Variants in ADGRL3 observed in about 807,000 individuals in gnomAD.
ADGRL3 encodes the protein calcium-independent alpha-latrotoxin receptor 3.
In ADGRL3, 62 loss-of-function variants were observed where a neutral mutation model predicts 153.5. That is an observed-to-expected ratio of 0.40 (90% CI 0.33 to 0.50). The LOEUF (loss-of-function observed/expected upper bound fraction) is 0.50, where lower values mean the gene tolerates loss of function less well. ADGRL3 is among the 20% of genes least tolerant of loss of function. ADGRL3 has a pLI of 0.47. For synonymous variants in ADGRL3, 710 were observed against 672.5 expected (o/e 1.06, Z -0.86); for missense variants, 1,641 against 1,859.4 (o/e 0.88, Z 2.16).
intron 17 of ADGRL3, among the ~76,000 whole-genome samples, chr4:61,956,522 C>CA (rs1395856785): frequency 2.0e-5 from 3 of 152,110 alleles, no homozygotes; most frequent in African/African-American, 7.2e-5. Context: ...TTTCACTGTG[C>CA]AGAAGCTCTT....
intron 19 of ADGRL3, among the ~76,000 whole-genome samples, chr4:61,993,158 C>T (rs894704771): frequency 1.6e-4 from 15 of 94,278 alleles, no homozygotes; most frequent in African/African-American, 5.4e-4. Flanking sequence ...CATTCATGGG[C>T]TGCAGTTGTG....
chr4:61,291,210 A>ACGCG (rs149448789), intron 1 of ADGRL3, among the ~76,000 whole-genome samples: 1 of 133,458 alleles, frequency 7.5e-6, no homozygotes, highest in Non-Finnish European at 1.6e-5. Context: ...ACACACACAC[A>ACGCG]CACACACGCA....
chr4:61,365,774 TTTC>T (rs1299195717), intron 1 of ADGRL3, among the ~76,000 whole-genome samples: 1 of 152,214 alleles, frequency 6.6e-6, no homozygotes, highest in African/African-American at 2.4e-5. Context: ...AAAATTAATT[TTTC>T]TTATTATCTC....
At chr4:62,027,310 A>C (rs1247894177) in intron 21 of ADGRL3, among the ~76,000 whole-genome samples, 1 of 151,864 alleles carries the variant, frequency 6.6e-6, no homozygotes, top group Non-Finnish European at 1.5e-5. Context: ...CTTGGCTTAA[A>C]ACTCTCTTTG....
intron 4 of ADGRL3, among the ~76,000 whole-genome samples, chr4:61,537,978 A>T (rs553782773): frequency 6.6e-6 from 1 of 151,888 alleles, no homozygotes; most frequent in African/African-American, 2.4e-5. Context: ...CAGAATTTTC[A>T]TTTTGGTGAG....
chr4:61,994,976 G>A (rs974406504), intron 19 of ADGRL3, among the ~76,000 whole-genome samples: 3 of 150,278 alleles, frequency 2.0e-5, no homozygotes, highest in Middle Eastern at 3.4e-3. Context: ...ACAGTGCCGT[G>A]ATTTCAGCTC....
At position 61,842,979 on chromosome 4, in the gene ADGRL3, G is replaced by A. The variant is rs1478298684; in HGVS notation, c.1480+29090G>A. Among the ~76,000 whole-genome samples, 4 of 152,014 alleles carry A rather than the reference G, an allele frequency of 2.6e-5. 1 individual carries two copies. The highest frequency in any genetic ancestry group is 5.9e-5 in the Non-Finnish European group (4 of 68,012). ...GTAGGCTATGAGGAAACACATGTAA[G>A]AAGAGAAAAAGAGCAACTTATGATT... On this transcript the variant is annotated intron_variant, in intron 9 of 26. Coordinates refer to ENST00000683033, the MANE Select transcript of ADGRL3 (RefSeq NM_001387552.1).
At chr4:61,588,162 A>G (rs972476528) in intron 5 of ADGRL3, among the ~76,000 whole-genome samples, 2 of 151,794 alleles carry the variant, frequency 1.3e-5, no homozygotes, top group East Asian at 1.9e-4. Context: ...GTTCACTATT[A>G]CTATGCTTTC....
At chr4:61,556,048 C>T (rs1335604764) in intron 4 of ADGRL3, among the ~76,000 whole-genome samples, 5 of 152,138 alleles carry the variant, frequency 3.3e-5, no homozygotes, top group Non-Finnish European at 7.3e-5. Context: ...GGGAATGCAG[C>T]CCAGTGGGTC....
intron 2 of ADGRL3, among the ~76,000 whole-genome samples, chr4:61,392,092 G>C (rs1039202560): frequency 6.7e-6 from 1 of 150,012 alleles, no homozygotes; most frequent in Non-Finnish European, 1.5e-5. Flanking sequence ...GATGGTCTCG[G>C]TTTCCTGACC....
At chr4:61,850,470 C>T (rs2098188663) in intron 9 of ADGRL3, among the ~76,000 whole-genome samples, 1 of 152,052 alleles carries the variant, frequency 6.6e-6, no homozygotes. Flanking sequence ...CTTCTCTTAC[C>T]ATTCTTAGTG....
intron 8 of ADGRL3, among the ~76,000 whole-genome samples, chr4:61,769,489 CAG>C (rs147620308): frequency 0.53 from 80,738 of 151,092 alleles, 22,304 homozygotes; most frequent in East Asian, 0.68. Context: ...AGCAGGAGGA[CAG>C]GGGATTGATC....
intron 5 of ADGRL3, among the ~76,000 whole-genome samples, chr4:61,641,686 C>T (rs1484243427): frequency 2.0e-5 from 3 of 151,736 alleles, no homozygotes; most frequent in East Asian, 1.9e-4. Flanking sequence ...CAGTCTATCA[C>T]TGTTGGACAT....
rs549773479 is a variant in ADGRL3 at position 61,231,000 on chromosome 4, A to C, written c.-240+29235A>C. Among the ~76,000 whole-genome samples the C allele has an allele frequency of 2.0e-5, 3 of 152,296 alleles. No homozygotes were observed. The South Asian group carries it at 6.2e-4, about 32-fold the overall frequency. Reference sequence around the variant, plus strand: ...CAGGACTTACTATGCTTATTTAAAAATTACTTGCTCTTCCAGACACCCTTG... The same window carrying C: ...CAGGACTTACTATGCTTATTTAAAACTTACTTGCTCTTCCAGACACCCTTG... On this transcript the variant is annotated intron_variant, in intron 1 of 26. Coordinates refer to ENST00000683033, the MANE Select transcript of ADGRL3 (RefSeq NM_001387552.1).
At chr4:61,690,779 A>G (rs1023757377) in intron 6 of ADGRL3, among the ~76,000 whole-genome samples, 3 of 152,050 alleles carry the variant, frequency 2.0e-5, no homozygotes, top group Non-Finnish European at 4.4e-5. Context: ...TGTGTATCAG[A>G]GTCTAATAGA....
chr4:61,512,648 A>T (rs908556548), intron 3 of ADGRL3, among the ~76,000 whole-genome samples: 1 of 152,134 alleles, frequency 6.6e-6, no homozygotes, highest in African/African-American at 2.4e-5. Context: ...AGTATGTTTT[A>T]GTAGAGAATG....
At chr4:61,276,780 T>TA (rs1332282930) in intron 1 of ADGRL3, among the ~76,000 whole-genome samples, 2 of 152,086 alleles carry the variant, frequency 1.3e-5, no homozygotes, top group Admixed American at 6.6e-5. Context: ...TTATTTTTTA[T>TA]AAAAAAAATT....
At chr4:61,867,223 G>T (rs959999138) in intron 9 of ADGRL3, among the ~76,000 whole-genome samples, 1 of 151,878 alleles carries the variant, frequency 6.6e-6, no homozygotes, top group Non-Finnish European at 1.5e-5. Context: ...GGAGAGGCAG[G>T]CACAGTGGCT....
intron 23 of ADGRL3, among the ~76,000 whole-genome samples, chr4:62,032,897 T>C (rs1227614881): frequency 6.6e-6 from 1 of 151,696 alleles, no homozygotes; most frequent in Non-Finnish European, 1.5e-5. Context: ...GAGGTTACAT[T>C]AGAATGGATG....
Sources: gnomAD v4.1 joint callset for allele counts (sites outside exome capture counted in the v4.1 genomes callset) on GRCh38, gnomAD v4.1.1 for gene constraint, MANE v1.5 for transcripts, NCBI Gene and HGNC (gene_info 2026-07-23, HGNC 2026-07-21) for gene names.